TBC1D22A: variants seen among roughly 807,000 people sequenced by gnomAD.
The protein encoded by TBC1D22A is putative GTPase activator.
TBC1D22A carries 38 observed loss-of-function variants against 60.2 expected under a neutral mutation model. The ratio of observed to expected loss-of-function variants is 0.63; its 90% CI spans 0.49 to 0.83. The LOEUF (loss-of-function observed/expected upper bound fraction) is 0.83, where lower values mean the gene tolerates loss of function less well. Ranked by LOEUF, TBC1D22A falls within the 40% of genes least tolerant of loss-of-function variation. The pLI is 0.00. For missense variants in TBC1D22A, 628 were observed against 701.0 expected, an observed-to-expected ratio of 0.90 and a Z score of 1.18; for synonymous variants, 302 against 281.7, an observed-to-expected ratio of 1.07 and a Z score of -0.72.
Position 47,033,187 on chromosome 22 carries a change from C to G in TBC1D22A, c.1202-3884C>G, listed in dbSNP as rs1175550639. On this transcript the variant is annotated intron_variant, in intron 10 of 12. Transcript: ENST00000337137. The stretch of plus-strand genomic sequence containing the variant: ...AGCAGCTTGGGTGGACTTCCACCCT[C>G]CGAGGGGCATGGGCAGAGGTCAGGC... Among the ~76,000 whole-genome samples, 5 of 152,332 alleles carry G rather than the reference C, an allele frequency of 3.3e-5. No homozygotes were observed. The East Asian group carries it at 9.6e-4, about 29-fold the overall frequency.
chr22:47,045,252 A>G (rs2062993705), intron 11 of TBC1D22A, among the ~76,000 whole-genome samples: 1 of 152,146 alleles, frequency 6.6e-6, no homozygotes. Context: ...CTGTGTGTTC[A>G]CTGTCCCTCG....
At chr22:47,042,481 T>C (rs1252225080) in intron 11 of TBC1D22A, among the ~76,000 whole-genome samples, 5 of 152,032 alleles carry the variant, frequency 3.3e-5, no homozygotes, top group Non-Finnish European at 2.9e-5. Flanking sequence ...TGCGGGGACA[T>C]TGGGACTCAG....
At chr22:47,071,140 A>G (rs2063970608) in intron 11 of TBC1D22A, among the ~76,000 whole-genome samples, 1 of 152,358 alleles carries the variant, frequency 6.6e-6, no homozygotes, top group Non-Finnish European at 1.5e-5. Context: ...AAGTAATTTT[A>G]GTAACCAACC....
chr22:46,798,345 C>G (rs540812280), intron 4 of TBC1D22A, among the ~76,000 whole-genome samples: 1 of 152,232 alleles, frequency 6.6e-6, no homozygotes, highest in East Asian at 1.9e-4. Flanking sequence ...TTTGTACTTT[C>G]CTACCATGGG....
chr22:47,150,211 C>G (rs935678767), intron 12 of TBC1D22A, among the ~76,000 whole-genome samples: 12 of 152,150 alleles, frequency 7.9e-5, no homozygotes, highest in Non-Finnish European at 1.8e-4. Context: ...CAGCCACAGT[C>G]CGGAGCACCG....
chr22:46,996,491 C>A (rs1000999393), intron 9 of TBC1D22A, among the ~76,000 whole-genome samples: 4 of 152,262 alleles, frequency 2.6e-5, no homozygotes, highest in Admixed American at 2.6e-4. Context: ...GATTAGCAAC[C>A]TTAGTTCCAC....
chr22:47,045,793 G>A (rs2063011861), intron 11 of TBC1D22A, among the ~76,000 whole-genome samples: 1 of 152,174 alleles, frequency 6.6e-6, no homozygotes, highest in Admixed American at 6.5e-5. Context: ...ACCAGTTACT[G>A]CTGTTCACCC....
chr22:47,027,041 C>T (rs2062279971), intron 10 of TBC1D22A, among the ~76,000 whole-genome samples: 1 of 152,132 alleles, frequency 6.6e-6, no homozygotes, highest in South Asian at 2.1e-4. Context: ...ATCAAGACAG[C>T]ATGTTGTTGC....
chr22:47,148,218 G>A (rs929544330), intron 12 of TBC1D22A, among the ~76,000 whole-genome samples: 3 of 152,032 alleles, frequency 2.0e-5, no homozygotes, highest in Admixed American at 6.5e-5. Context: ...GCCCCCGGCA[G>A]GTGTGCTCCT....
At chr22:47,171,385 T>C (rs994155524) in intron 12 of TBC1D22A, among the ~76,000 whole-genome samples, 1 of 152,076 alleles carries the variant, frequency 6.6e-6, no homozygotes, top group Non-Finnish European at 1.5e-5. Context: ...TGGATCCAGC[T>C]TCTGTTTGGG....
chr22:47,005,235 A>G (rs1305003342), intron 10 of TBC1D22A, among the ~76,000 whole-genome samples: 2 of 151,692 alleles, frequency 1.3e-5, no homozygotes, highest in Non-Finnish European at 2.9e-5. Context: ...ACATGCCTAT[A>G]CACAGAAACA....
intron 10 of TBC1D22A, among the ~76,000 whole-genome samples, chr22:47,011,495 G>A (rs1188798848): frequency 2.6e-5 from 4 of 152,120 alleles, no homozygotes; most frequent in Non-Finnish European, 2.9e-5. Context: ...TTTTCATCCC[G>A]ATGTTCCCCA....
chr22:47,100,456 G>A (rs5767488), intron 11 of TBC1D22A, among the ~76,000 whole-genome samples: 61,896 of 151,932 alleles, frequency 0.41, 12,982 homozygotes, highest in African/African-American at 0.51. Flanking sequence ...GGCCTCGGGG[G>A]ACGGGTGATA....
chr22:47,082,115 G>A (rs1419212293), intron 11 of TBC1D22A, among the ~76,000 whole-genome samples: 2 of 152,074 alleles, frequency 1.3e-5, no homozygotes, highest in Admixed American at 6.5e-5. Flanking sequence ...CCAAGATCAC[G>A]CCACTGCACT....
chr22:46,781,387 G>T (rs1881755331), intron 1 of TBC1D22A, among the ~76,000 whole-genome samples: 1 of 152,158 alleles, frequency 6.6e-6, no homozygotes, highest in Non-Finnish European at 1.5e-5. Flanking sequence ...TGTTGCCCGT[G>T]CTGGTCTTGA....
chr22:46,872,595 CT>C (rs2067342465), intron 4 of TBC1D22A, among the ~76,000 whole-genome samples: 1 of 152,248 alleles, frequency 6.6e-6, no homozygotes, highest in South Asian at 2.1e-4. Context: ...GTAAGGTGAA[CT>C]TTATAAGGAC....
chr22:47,129,726 T>A (rs1158960780), intron 12 of TBC1D22A, among the ~76,000 whole-genome samples: 1 of 152,194 alleles, frequency 6.6e-6, no homozygotes, highest in Non-Finnish European at 1.5e-5. Flanking sequence ...AAAACAAAAA[T>A]TTTTATTTAA....
intron 9 of TBC1D22A, among the ~76,000 whole-genome samples, chr22:46,984,674 T>C (rs1274375339): frequency 6.6e-6 from 1 of 152,234 alleles, no homozygotes; most frequent in African/African-American, 2.4e-5. Context: ...GGAAGAATTA[T>C]TGAATTCCAA....
At chr22:46,999,797 A>G (rs1024879372) in intron 10 of TBC1D22A, among the ~76,000 whole-genome samples, 2 of 152,212 alleles carry the variant, frequency 1.3e-5, no homozygotes, top group African/African-American at 4.8e-5. Context: ...AGGCCGAGGC[A>G]GGCGGATCAC....
Sources: gnomAD v4.1 joint callset for allele counts (sites outside exome capture counted in the v4.1 genomes callset) on GRCh38, gnomAD v4.1.1 for gene constraint, MANE v1.5 for transcripts, NCBI Gene and HGNC (gene_info 2026-07-23, HGNC 2026-07-21) for gene names.